Variants in COL23A1 observed in about 807,000 individuals in gnomAD.
COL23A1 encodes collagen alpha-1(XXIII) chain.
Under a neutral mutation model 99.3 loss-of-function variants are expected in COL23A1, and 97 were observed. The observed-to-expected ratio is 0.98, with a 90% CI of 0.83 to 1.16. The LOEUF (loss-of-function observed/expected upper bound fraction) is 1.16. Ranked by LOEUF, COL23A1 falls within the 50% of genes most tolerant of loss-of-function variation. The pLI, the probability that COL23A1 is intolerant of heterozygous loss-of-function variation, is 0.00. For synonymous variants in COL23A1, 320 were observed against 308.2 expected (o/e 1.04, Z -0.40); for missense variants, 762 against 757.4 (o/e 1.01, Z -0.07).
At chr5:178,476,786 G>A (rs1174223338) in intron 2 of COL23A1, among the ~76,000 whole-genome samples, 1 of 152,250 alleles carries the variant, frequency 6.6e-6, no homozygotes, top group Non-Finnish European at 1.5e-5. Context: ...CAGCCACCAT[G>A]CTAGGGACCT....
intron 2 of COL23A1, among the ~76,000 whole-genome samples, chr5:178,523,152 A>G (rs1441669020): frequency 1.1e-5 from 1 of 93,682 alleles, no homozygotes; most frequent in African/African-American, 3.4e-5. Flanking sequence ...AAATATATAT[A>G]TATATATATA....
At chr5:178,375,434 T>C (rs1763020664) in intron 2 of COL23A1, among the ~76,000 whole-genome samples, 2 of 152,216 alleles carry the variant, frequency 1.3e-5, no homozygotes, top group African/African-American at 4.8e-5. Context: ...AGGGTGACCC[T>C]GTAAGAACCT....
chr5:178,342,926 A>G (rs915300681), intron 2 of COL23A1, among the ~76,000 whole-genome samples: 16 of 152,228 alleles, frequency 1.1e-4, no homozygotes, highest in Non-Finnish European at 1.9e-4. Flanking sequence ...AGAGCAGAGA[A>G]CATGACGAAG....
At chr5:178,345,189 G>A in intron 2 of COL23A1, 1 of 822,448 alleles carries the variant, frequency 1.2e-6, no homozygotes. Context: ...TCTAACTCCA[G>A]ACTCCACCAG....
rs1285968075 is a variant in COL23A1, at chr5:178,543,211, G to A, written c.361+17471C>T. 4.0e-5 allele frequency among the ~76,000 whole-genome samples: 6 copies of A among 151,698 alleles called. No individual in the cohort carries two copies. The East Asian group carries it at 5.8e-4, about 15-fold the overall frequency. ...CAACCTCCGCCTCCCAGGTTCAACC[G>A]ATTCTCCTGCCTCAGCCTCCCGGGT... On this transcript the variant is annotated intron_variant, in intron 2 of 28. Coordinates refer to ENST00000390654, the MANE Select transcript of COL23A1 (RefSeq NM_173465.4).
At chr5:178,242,796 T>G (rs1764479074) in intron 25 of COL23A1, among the ~76,000 whole-genome samples, 1 of 152,318 alleles carries the variant, frequency 6.6e-6, no homozygotes, top group Non-Finnish European at 1.5e-5. Flanking sequence ...TGGCTCAACT[T>G]CCTGCACACC....
rs201387399 is a variant in COL23A1 at position 178,446,104 on chromosome 5, T to TA, written c.361+114577_361+114578insT. Among the ~76,000 whole-genome samples, 1,086 of 152,120 alleles carry TA rather than the reference T, an allele frequency of 7.1e-3. 14 individuals carry two copies. Among genetic ancestry groups the TA allele is most frequent in the African/African-American group, 0.024 (991 of 41,512 alleles). On this transcript the variant is annotated intron_variant, in intron 2 of 28. Coordinates refer to ENST00000390654, the MANE Select transcript of COL23A1 (RefSeq NM_173465.4). ...ATCAAAAAATTTCCATATATATATA[T>TA]TTTTAAACACATTATAACACCCAGT...
At chr5:178,504,494 G>T (rs1758755466) in intron 2 of COL23A1, among the ~76,000 whole-genome samples, 1 of 152,136 alleles carries the variant, frequency 6.6e-6, no homozygotes, top group African/African-American at 2.4e-5. Context: ...CACAGGAAAG[G>T]GCTGCGTCCT....
intron 2 of COL23A1, among the ~76,000 whole-genome samples, chr5:178,547,341 A>G (rs1219956423): frequency 6.6e-6 from 1 of 151,938 alleles, no homozygotes; most frequent in Non-Finnish European, 1.5e-5. Flanking sequence ...TGGCGAGAAC[A>G]TGGGAAAGAA....
intron 2 of COL23A1, among the ~76,000 whole-genome samples, chr5:178,499,651 C>T (rs1200298272): frequency 2.6e-5 from 4 of 152,230 alleles, no homozygotes; most frequent in Non-Finnish European, 5.9e-5. Context: ...CACAAACTGT[C>T]ATGTCAGTCT....
chr5:178,295,285 G>A (rs1186197936), intron 3 of COL23A1, among the ~76,000 whole-genome samples: 1 of 152,168 alleles, frequency 6.6e-6, no homozygotes, highest in Admixed American at 6.6e-5. Context: ...CAAAACATCA[G>A]CAACCTAGTA....
intron 2 of COL23A1, among the ~76,000 whole-genome samples, chr5:178,530,722 C>T (rs552801655): frequency 5.3e-5 from 8 of 152,280 alleles, no homozygotes; most frequent in South Asian, 2.1e-4. Context: ...CACCATCCAG[C>T]GTAACCTGCC....
intron 2 of COL23A1, among the ~76,000 whole-genome samples, chr5:178,471,853 C>T (rs145761806): frequency 6.6e-6 from 1 of 152,158 alleles, no homozygotes; most frequent in Non-Finnish European, 1.5e-5. Context: ...TCCCTTCCCA[C>T]AGTCCATGCC....
chr5:178,356,054 T>C (rs1275666552), intron 2 of COL23A1, among the ~76,000 whole-genome samples: 1 of 152,244 alleles, frequency 6.6e-6, no homozygotes, highest in East Asian at 1.9e-4. Flanking sequence ...CGCAAGGTGC[T>C]GAGCACGCTG....
chr5:178,488,577 A>G (rs867894963), intron 2 of COL23A1, among the ~76,000 whole-genome samples: 5 of 151,600 alleles, frequency 3.3e-5, no homozygotes, highest in Admixed American at 6.6e-5. Context: ...TCTTGCACCA[A>G]TTTTCTCTTC....
chr5:178,555,647 A>G (rs1762231494), intron 2 of COL23A1, among the ~76,000 whole-genome samples: 1 of 152,194 alleles, frequency 6.6e-6, no homozygotes, highest in Non-Finnish European at 1.5e-5. Context: ...TTGTAACCCA[A>G]AGAGTGAGTG....
intron 3 of COL23A1, among the ~76,000 whole-genome samples, chr5:178,291,193 C>T (rs190625378): frequency 6.5e-4 from 99 of 152,282 alleles, no homozygotes; most frequent in African/African-American, 2.0e-3. Context: ...CAAACCAGAC[C>T]CCGAACCTCA....
chr5:178,515,651 G>A (rs1265494640), intron 2 of COL23A1, among the ~76,000 whole-genome samples: 1 of 152,072 alleles, frequency 6.6e-6, no homozygotes, highest in African/African-American at 2.4e-5. Context: ...CCTTCAGCTC[G>A]GACCCCCGCT....
chr5:178,431,811 A>T (rs1766281275), intron 2 of COL23A1, among the ~76,000 whole-genome samples: 1 of 152,254 alleles, frequency 6.6e-6, no homozygotes, highest in African/African-American at 2.4e-5. Context: ...ATAATTTGCT[A>T]CAGCGTCCAC....
Sources: gnomAD v4.1 joint callset for allele counts (sites outside exome capture counted in the v4.1 genomes callset) on GRCh38, gnomAD v4.1.1 for gene constraint, MANE v1.5 for transcripts, NCBI Gene and HGNC (gene_info 2026-07-23, HGNC 2026-07-21) for gene names.